Variants in GALNT13 observed in about 807,000 individuals in gnomAD.
The protein encoded by GALNT13 is polypeptide N-acetylgalactosaminyltransferase 13.
In GALNT13, 28 loss-of-function variants were observed where a neutral mutation model predicts 64.2. The ratio of observed to expected loss-of-function variants is 0.44; its 90% CI spans 0.32 to 0.60. The LOEUF (loss-of-function observed/expected upper bound fraction) is 0.60. Ranked by LOEUF, GALNT13 falls within the 20% of genes least tolerant of loss-of-function variation. The pLI is 0.05. For missense variants in GALNT13, 577 were observed against 669.8 expected (o/e 0.86, Z 1.53); for synonymous variants, 214 against 224.6 (o/e 0.95, Z 0.42).
chr2:154,291,532 G>A (rs1287624141), intron 8 of GALNT13, among the ~76,000 whole-genome samples: 2 of 152,188 alleles, frequency 1.3e-5, no homozygotes, highest in African/African-American at 2.4e-5. Flanking sequence ...TGGGCACTCT[G>A]GCAGCCCAGA....
the GALNT13 span, among the ~76,000 whole-genome samples, chr2:153,846,787 T>G: frequency 8.5e-5 from 13 of 152,202 alleles, no homozygotes; most frequent in Middle Eastern, 0.01. Context: ...AAATTTTTCC[T>G]ACAGGGTATG....
At chr2:153,504,033 T>C in the GALNT13 span, among the ~76,000 whole-genome samples, 1 of 152,182 alleles carries the variant, frequency 6.6e-6, no homozygotes, top group Non-Finnish European at 1.5e-5. Context: ...TGTGTTTCCA[T>C]TTGTTTGTTT....
At chr2:153,850,214 G>A in the GALNT13 span, among the ~76,000 whole-genome samples, 1 of 150,832 alleles carries the variant, frequency 6.6e-6, no homozygotes, top group Non-Finnish European at 1.5e-5. Flanking sequence ...AAAAGAAAAG[G>A]AAAGAAATGA....
the GALNT13 span, among the ~76,000 whole-genome samples, chr2:153,822,657 T>TAAG: frequency 2.0e-5 from 3 of 150,884 alleles, no homozygotes; most frequent in African/African-American, 5.0e-5. Context: ...GCATTCCCCT[T>TAAG]AAGGACTGGA....
chr2:153,975,954 C>A (rs1295823519), intron 3 of GALNT13, among the ~76,000 whole-genome samples: 2 of 152,024 alleles, frequency 1.3e-5, no homozygotes, highest in African/African-American at 4.8e-5. Flanking sequence ...TGCAATTTTT[C>A]TTTGTCATTT....
chr2:153,182,835 A>G, the GALNT13 span, among the ~76,000 whole-genome samples: 1 of 152,198 alleles, frequency 6.6e-6, no homozygotes, highest in African/African-American at 2.4e-5. Flanking sequence ...ATGTATATGT[A>G]CCATGTTTAC....
chr2:154,165,605 A>C (rs1055717681), intron 4 of GALNT13, among the ~76,000 whole-genome samples: 3 of 152,224 alleles, frequency 2.0e-5, no homozygotes, highest in African/African-American at 7.2e-5. Flanking sequence ...ATTAATATTT[A>C]GAATTCTTGC....
At chr2:154,401,399 C>T (rs1363983594) in intron 10 of GALNT13, among the ~76,000 whole-genome samples, 1 of 152,058 alleles carries the variant, frequency 6.6e-6, no homozygotes, top group African/African-American at 2.4e-5. Flanking sequence ...AGGTGACTTA[C>T]GTAAATGCGG....
chr2:154,019,009 A>C (rs1697229973), intron 3 of GALNT13, among the ~76,000 whole-genome samples: 2 of 152,140 alleles, frequency 1.3e-5, no homozygotes, highest in African/African-American at 4.8e-5. Context: ...TGACTGTAGT[A>C]AAGAGATGTA....
At chr2:154,180,530 GT>G (rs142240096) in intron 4 of GALNT13, among the ~76,000 whole-genome samples, 1 of 151,618 alleles carries the variant, frequency 6.6e-6, no homozygotes, top group Non-Finnish European at 1.5e-5. Context: ...AAATAGATTT[GT>G]TTTTTTCTGA....
intron 3 of GALNT13, among the ~76,000 whole-genome samples, chr2:153,999,196 A>C (rs1213032336): frequency 6.6e-6 from 1 of 152,108 alleles, no homozygotes; most frequent in South Asian, 2.1e-4. Context: ...TGGTACCAAA[A>C]CAGATATATA....
At chr2:153,989,815 A>G (rs1695043714) in intron 3 of GALNT13, among the ~76,000 whole-genome samples, 1 of 152,098 alleles carries the variant, frequency 6.6e-6, no homozygotes, top group Non-Finnish European at 1.5e-5. Context: ...TGATGTTTTA[A>G]GGCATGTTGA....
chr2:153,931,213 T>C (rs1690495165), intron 2 of GALNT13, among the ~76,000 whole-genome samples: 1 of 150,800 alleles, frequency 6.6e-6, no homozygotes, highest in East Asian at 1.9e-4. Context: ...GAAGCTTTGC[T>C]GAAATTGTTC....
intron 9 of GALNT13, among the ~76,000 whole-genome samples, chr2:154,335,749 G>A (rs905789490): frequency 2.0e-5 from 3 of 151,728 alleles, no homozygotes; most frequent in Non-Finnish European, 2.9e-5. Context: ...TAGGATTCTC[G>A]GTTATGTAAA....
intron 3 of GALNT13, among the ~76,000 whole-genome samples, chr2:154,120,960 G>A (rs1049760038): frequency 6.6e-6 from 1 of 152,122 alleles, no homozygotes; most frequent in South Asian, 2.1e-4. Context: ...TGTTCTCCAT[G>A]AGGTGAATTT....
At chr2:153,439,252 G>T in the GALNT13 span, among the ~76,000 whole-genome samples, 1 of 152,146 alleles carries the variant, frequency 6.6e-6, no homozygotes, top group Non-Finnish European at 1.5e-5. Context: ...TCCCAGTTAG[G>T]CTCCTCAGGT....
At chr2:154,127,698 CCA>C (rs1168177962) in intron 3 of GALNT13, among the ~76,000 whole-genome samples, 4 of 143,338 alleles carry the variant, frequency 2.8e-5, no homozygotes, top group African/African-American at 1.1e-4. Flanking sequence ...ATATCCATAT[CCA>C]CACACACACG....
the GALNT13 span, among the ~76,000 whole-genome samples, chr2:153,295,029 G>A: frequency 6.6e-6 from 1 of 152,132 alleles, no homozygotes; most frequent in African/African-American, 2.4e-5. Flanking sequence ...TTCCTAACCT[G>A]AAGCATAGTC....
At chr2:153,946,176 G>T (rs796155643) in intron 3 of GALNT13, among the ~76,000 whole-genome samples, 20 of 152,100 alleles carry the variant, frequency 1.3e-4, no homozygotes, top group African/African-American at 4.8e-4. Context: ...AGTTTGGAAT[G>T]ATCACTCTGT....
Sources: allele counts gnomAD v4.1 joint callset (sites outside exome capture counted in the v4.1 genomes callset), GRCh38; gene constraint gnomAD v4.1.1; transcripts MANE v1.5; gene names NCBI Gene and HGNC (gene_info 2026-07-23, HGNC 2026-07-21).